The following THRAP3 variants were observed in gnomAD, a reference collection of about 807,000 sequenced individuals.
THRAP3 encodes the protein thyroid hormone receptor associated protein 3, also known as thyroid hormone receptor-associated protein 3.
In THRAP3, 16 loss-of-function variants were observed where a neutral mutation model predicts 101.0. The ratio of observed to expected loss-of-function variants is 0.16; its 90% CI spans 0.11 to 0.24. The LOEUF (loss-of-function observed/expected upper bound fraction) is 0.24, where lower values mean the gene tolerates loss of function less well. Among genes scored for constraint, THRAP3 ranks in the 10% least tolerant of loss-of-function variants. The pLI is 1.00. For missense variants in THRAP3, 989 were observed against 1,202.7 expected (o/e 0.82, Z 2.63); for synonymous variants, 407 against 422.6 (o/e 0.96, Z 0.45).
rs1437674561 is a variant in THRAP3, at chr1:36,268,269, T to C, written c.-32+8785T>C. ...ATCATTTTTTTTTTTCTGTGCAGTT[T>C]AGTATGAATTTTCTGAGAATCAGAT... On this transcript the variant is annotated intron_variant, in intron 2 of 11. Coordinates refer to ENST00000354618, the MANE Select transcript of THRAP3 (RefSeq NM_005119.4). Among the ~76,000 whole-genome samples, 5 of 152,024 alleles carry C rather than the reference T, an allele frequency of 3.3e-5. No individual in the cohort carries two copies. The East Asian group carries it at 9.6e-4, about 29-fold the overall frequency.
At chr1:36,226,521 A>G (rs1025710787) in intron 1 of THRAP3, among the ~76,000 whole-genome samples, 18 of 152,232 alleles carry the variant, frequency 1.2e-4, no homozygotes, top group African/African-American at 4.1e-4. Context: ...GGCCTCCCAA[A>G]GTGCTGGGAT....
chr1:36,221,216 AT>A (rs1316232713), upstream of THRAP3, among the ~76,000 whole-genome samples: 3 of 149,646 alleles, frequency 2.0e-5, no homozygotes, highest in African/African-American at 7.3e-5. Flanking sequence ...AGCTGCGAAC[AT>A]TGTTGAAGTG....
chr1:36,267,073 G>A (rs1363563682), intron 2 of THRAP3, among the ~76,000 whole-genome samples: 7 of 152,042 alleles, frequency 4.6e-5, no homozygotes, highest in East Asian at 1.9e-4. Context: ...TAGTAGAGAC[G>A]GGGTTTCATC....
rs929966169 is a variant in THRAP3 at position 36,293,749 on chromosome 1, A to G, written c.2031-102A>G. Reference sequence around the variant, plus strand: ...TACATAAGTCATGAAACGTAAGGAAAAATAATGCCTGTGAATCTATTAGCC... The same window carrying G: ...TACATAAGTCATGAAACGTAAGGAAGAATAATGCCTGTGAATCTATTAGCC... On this transcript the variant is annotated intron_variant, in intron 7 of 11. Transcript: ENST00000354618. 53 of 1,007,324 alleles carry G rather than the reference A, an allele frequency of 5.3e-5. No homozygotes were observed. In the Admixed American group the frequency reaches 8.7e-4, roughly 17 times the overall value. 62.4% of individuals were successfully genotyped at this position (1,007,324 alleles called of 1,614,324 possible).
intron 1 of THRAP3, among the ~76,000 whole-genome samples, chr1:36,257,724 C>G (rs1204326600): frequency 3.9e-5 from 6 of 152,082 alleles, no homozygotes; most frequent in Non-Finnish European, 5.9e-5. Flanking sequence ...TGCCAATATC[C>G]AAGAAGAGGT....
At chr1:36,213,967 GAGAA>G in the THRAP3 span, among the ~76,000 whole-genome samples, 415 of 97,890 alleles carry the variant, frequency 4.2e-3, 12 homozygotes, top group East Asian at 0.015. Flanking sequence ...AAGAAGGAAA[GAGAA>G]AGAAAGAAAG....
chr1:36,264,798 T>C (rs906880033), intron 2 of THRAP3, among the ~76,000 whole-genome samples: 2 of 152,150 alleles, frequency 1.3e-5, no homozygotes, highest in African/African-American at 4.8e-5. Flanking sequence ...TGTGAAGATA[T>C]ACAGAGTTTA....
At chr1:36,287,808 C>T in intron 4 of THRAP3, 1 of 985,398 alleles carries the variant, frequency 1.0e-6, no homozygotes. Context: ...CAGTAGAAGC[C>T]AACACGGCTG....
At chr1:36,295,545 TTTCCTTCC>T (rs55705007) in intron 8 of THRAP3, among the ~76,000 whole-genome samples, 12,568 of 145,474 alleles carry the variant, frequency 0.086, 743 homozygotes, top group Middle Eastern at 0.24. Flanking sequence ...AGAGAAGTTT[TTTCCTTCC>T]TTCCTTCCTT....
intron 2 of THRAP3, among the ~76,000 whole-genome samples, chr1:36,263,116 A>T (rs1197176712): frequency 2.2e-5 from 3 of 136,770 alleles, no homozygotes; most frequent in African/African-American, 8.3e-5. Context: ...GGCCTATTTT[A>T]TTTATTTTTT....
intron 2 of THRAP3, among the ~76,000 whole-genome samples, chr1:36,280,718 T>C (rs1570318688): frequency 1.3e-5 from 2 of 152,202 alleles, no homozygotes; most frequent in African/African-American, 2.4e-5. Context: ...TTGATAGACA[T>C]GTACTTTAGC....
intron 9 of THRAP3, among the ~76,000 whole-genome samples, chr1:36,297,306 T>C (rs1333870201): frequency 6.6e-6 from 1 of 152,220 alleles, no homozygotes; most frequent in East Asian, 1.9e-4. Flanking sequence ...TTCATGCCTA[T>C]GTCCTGATGT....
rs1570280180 is a variant in THRAP3, at chr1:36,259,408, G to A, written c.-108G>A. 2 of 398,648 alleles carry A rather than the reference G, an allele frequency of 5.0e-6. No individual in the cohort carries two copies. The highest frequency in any genetic ancestry group is 4.4e-5 in the Admixed American group (1 of 22,714). 24.7% of individuals were successfully genotyped at this position (398,648 alleles called of 1,614,324 possible). A position where few individuals can be genotyped will look rare whatever the true frequency, so the allele number is the denominator to read the frequency against. Reference sequence around the variant, plus strand: ...AGTGTATGCTGACTTGTAAAGTGAAGAAGCCAGTGGTGCTGCGGGTGTTCT... The same window carrying A: ...AGTGTATGCTGACTTGTAAAGTGAAAAAGCCAGTGGTGCTGCGGGTGTTCT... On this transcript the variant is annotated 5_prime_UTR_variant, in exon 2 of 12. Transcript: ENST00000354618.
At chr1:36,269,798 G>A (rs1645565178) in intron 2 of THRAP3, among the ~76,000 whole-genome samples, 1 of 151,694 alleles carries the variant, frequency 6.6e-6, no homozygotes, top group Non-Finnish European at 1.5e-5. Flanking sequence ...AGGCTGATTC[G>A]ACATCCTGGG....
intron 1 of THRAP3, among the ~76,000 whole-genome samples, chr1:36,233,879 G>A (rs1442433616): frequency 6.6e-6 from 1 of 152,188 alleles, no homozygotes; most frequent in Admixed American, 6.5e-5. Context: ...AGTTTTCTGA[G>A]TTGTCCTCCT....
At chr1:36,229,923 A>T (rs1184926361) in intron 1 of THRAP3, among the ~76,000 whole-genome samples, 6 of 142,156 alleles carry the variant, frequency 4.2e-5, no homozygotes, top group Non-Finnish European at 9.1e-5. Context: ...AAGTGCTGGG[A>T]TTATAGGCGT....
In THRAP3 at chr1:36,291,376, C is replaced by A. The variant is rs558628159; in HGVS notation, c.1748C>A (p.Pro583His). The A allele has an allele frequency of 6.2e-6, 10 of 1,613,008 alleles. No homozygotes were observed. The highest frequency in any genetic ancestry group is 8.5e-6 in the Non-Finnish European group (10 of 1,179,742). ...MDSFDEDLAR[P>H]SGLLAQERKL... is the part of the protein sequence containing the mutation. ...GCCTCCCCATATTTCTTTTTCAGAC[C>A]CAGTGGCTTATTGGCTCAGGAACGC... is the stretch of plus-strand genomic sequence containing the variant. Residue 583 changes from proline to histidine, a missense_variant and splice_region_variant, in exon 6 of 12, where the codon CCC becomes CAC. By Grantham distance (77) the Pro-to-His change is moderately conservative. Transcript: ENST00000354618.
At chr1:36,289,840 A>G (rs1250882100) in intron 5 of THRAP3, 76 bp downstream of exon 5, 2 of 1,495,652 alleles carry the variant, frequency 1.3e-6, no homozygotes, top group East Asian at 2.3e-5. Context: ...CCCTGGGGAC[A>G]TTCTGCTGTA....
At chr1:36,283,798 A>G (rs1645763196) in intron 3 of THRAP3, among the ~76,000 whole-genome samples, 1 of 152,222 alleles carries the variant, frequency 6.6e-6, no homozygotes, top group African/African-American at 2.4e-5. Context: ...TAGTACTTCT[A>G]AGGGGTCTAT....
Sources: gnomAD v4.1 joint callset for allele counts (sites outside exome capture counted in the v4.1 genomes callset) on GRCh38, gnomAD v4.1.1 for gene constraint, MANE v1.5 for transcripts, NCBI Gene and HGNC (gene_info 2026-07-23, HGNC 2026-07-21) for gene names.